The following LGSN variants were observed in gnomAD, a reference collection of about 807,000 sequenced individuals.
The protein encoded by LGSN is lengsin, lens protein with glutamine synthetase domain, also known as lengsin.
LGSN carries 21 observed loss-of-function variants against 19.5 expected under a neutral mutation model. The ratio of observed to expected loss-of-function variants is 1.07; its 90% confidence interval spans 0.76 to 1.55. LGSN has a LOEUF of 1.55. Among genes scored for constraint, LGSN ranks in the 40% most tolerant of loss-of-function variants. LGSN has a pLI of 0.00. For synonymous variants in LGSN, 257 were observed against 215.6 expected, an observed-to-expected ratio of 1.19 and a Z score of -1.68; for missense variants, 673 against 608.5, an observed-to-expected ratio of 1.11 and a Z score of -1.12.
At chr6:63,560,354 A>AAAAAAAAAAAAG in the LGSN span, among the ~76,000 whole-genome samples, 1 of 149,734 alleles carries the variant, frequency 6.7e-6, no homozygotes, top group African/African-American at 2.5e-5. Flanking sequence ...AAAAAAAAAA[A>AAAAAAAAAAAAG]AAAGAAAGAA....
the LGSN span, among the ~76,000 whole-genome samples, chr6:63,350,269 G>A: frequency 6.6e-6 from 1 of 152,010 alleles, no homozygotes; most frequent in Non-Finnish European, 1.5e-5. Context: ...TTCTTTCTTT[G>A]GTTATAATAT....
the LGSN span, among the ~76,000 whole-genome samples, chr6:63,432,146 A>AAAGG: frequency 8.1e-6 from 1 of 123,736 alleles, no homozygotes; most frequent in Non-Finnish European, 1.6e-5. Context: ...AGAAAGAAAG[A>AAAGG]AAGAAAGAAA....
the LGSN span, among the ~76,000 whole-genome samples, chr6:63,568,468 C>T: frequency 6.6e-6 from 1 of 152,078 alleles, no homozygotes; most frequent in Non-Finnish European, 1.5e-5. Flanking sequence ...TGGCCCAAAA[C>T]AATTCCAATA....
At chr6:63,493,747 T>C in the LGSN span, among the ~76,000 whole-genome samples, 3 of 152,164 alleles carry the variant, frequency 2.0e-5, no homozygotes, top group Non-Finnish European at 2.9e-5. Flanking sequence ...CTAAGCCCCA[T>C]GAATGATCAC....
At chr6:63,570,261 G>A in the LGSN span, among the ~76,000 whole-genome samples, 3 of 152,192 alleles carry the variant, frequency 2.0e-5, no homozygotes, top group Non-Finnish European at 4.4e-5. Flanking sequence ...AACCCAGGAG[G>A]CTGAGGTTGC....
At chr6:63,479,134 C>T in the LGSN span, among the ~76,000 whole-genome samples, 1 of 152,172 alleles carries the variant, frequency 6.6e-6, no homozygotes, top group Non-Finnish European at 1.5e-5. Flanking sequence ...CAACCCAGGC[C>T]TCAACCAATC....
the LGSN span, among the ~76,000 whole-genome samples, chr6:63,501,503 A>C: frequency 3.9e-5 from 6 of 152,140 alleles, no homozygotes; most frequent in Non-Finnish European, 8.8e-5. Flanking sequence ...TGTATGGCTG[A>C]ATATAAAAAT....
At position 63,280,081 on chromosome 6, in the gene LGSN, A is replaced by T; in HGVS notation, c.1470T>A (p.Tyr490Ter). 1 of 1,613,556 alleles carries T rather than the reference A, an allele frequency of 6.2e-7. No homozygotes were observed. Among genetic ancestry groups the T allele is most frequent in the Non-Finnish European group, 8.5e-7 (1 of 1,179,662 alleles). The change falls in exon 4 of 4, where the codon TAT becomes TAA. Residue 490 changes from tyrosine to a stop codon, truncating the protein, a stop_gained. Transcript: ENST00000370657. LOFTEE classifies it high-confidence loss of function. ...FIRYFVAMKK[Y>*]ELENEEIAAE... ...CAGCTATTTCTTCATTCTCCAACTC[A>T]TATTTCTTCATGGCAACAAAATATC... is the stretch of plus-strand genomic sequence containing the variant.
the LGSN span, among the ~76,000 whole-genome samples, chr6:63,412,529 G>GAAAGAAGGAAAGAAA: frequency 7.7e-3 from 248 of 32,316 alleles, 1 homozygote; most frequent in Middle Eastern, 0.028. Context: ...AAAGAAAGAA[G>GAAAGAAGGAAAGAAA]GAAAGAAAGA....
the LGSN span, among the ~76,000 whole-genome samples, chr6:63,337,149 C>T: frequency 6.6e-6 from 1 of 151,274 alleles, no homozygotes; most frequent in Non-Finnish European, 1.5e-5. Flanking sequence ...GGTCTCAAAT[C>T]CCTGACCTCT....
the LGSN span, among the ~76,000 whole-genome samples, chr6:63,385,095 C>CTGTG: frequency 6.6e-6 from 1 of 152,120 alleles, no homozygotes; most frequent in East Asian, 1.9e-4. Flanking sequence ...GAAGCTCAGC[C>CTGTG]TGTGGTATTT....
At chr6:63,462,505 T>C in the LGSN span, among the ~76,000 whole-genome samples, 1 of 152,290 alleles carries the variant, frequency 6.6e-6, no homozygotes, top group South Asian at 2.1e-4. Flanking sequence ...GACATGGTGA[T>C]GCATGCCTGT....
chr6:63,440,027 T>C, the LGSN span, among the ~76,000 whole-genome samples: 1 of 152,236 alleles, frequency 6.6e-6, no homozygotes. Context: ...GGTGCTGGTA[T>C]CTGTTTTAAA....
At chr6:63,327,218 G>T in the LGSN span, among the ~76,000 whole-genome samples, 1 of 152,162 alleles carries the variant, frequency 6.6e-6, no homozygotes, top group Admixed American at 6.5e-5. Context: ...CTCATTTGGG[G>T]TTCCATTTGT....
the LGSN span, among the ~76,000 whole-genome samples, chr6:63,401,019 A>G: frequency 6.6e-6 from 1 of 152,146 alleles, no homozygotes; most frequent in Non-Finnish European, 1.5e-5. Context: ...ATTCAACATT[A>G]ATAAATATTT....
intron 1 of LGSN, among the ~76,000 whole-genome samples, chr6:63,298,534 A>G (rs1768066175): frequency 6.6e-6 from 1 of 152,010 alleles, no homozygotes; most frequent in African/African-American, 2.4e-5. Flanking sequence ...TGCATGAGGT[A>G]GGGAAAAATC....
the LGSN span, among the ~76,000 whole-genome samples, chr6:63,555,850 T>C: frequency 3.3e-5 from 5 of 151,944 alleles, no homozygotes; most frequent in Non-Finnish European, 7.4e-5. Context: ...TGTACCAGAA[T>C]ACCCAGCTAA....
the LGSN span, among the ~76,000 whole-genome samples, chr6:63,491,097 C>A: frequency 6.6e-6 from 1 of 152,060 alleles, no homozygotes; most frequent in African/African-American, 2.4e-5. Context: ...TACACACATT[C>A]AGAAATAATG....
the LGSN span, among the ~76,000 whole-genome samples, chr6:63,531,723 T>C: frequency 2.0e-5 from 3 of 152,008 alleles, no homozygotes; most frequent in South Asian, 6.2e-4. Context: ...ACTACTGGAC[T>C]CAAGTGACCC....
Sources: allele counts gnomAD v4.1 joint callset (sites outside exome capture counted in the v4.1 genomes callset), GRCh38; gene constraint gnomAD v4.1.1; transcripts MANE v1.5; gene names NCBI Gene and HGNC (gene_info 2026-07-23, HGNC 2026-07-21).